IFT140: variants seen among roughly 807,000 people sequenced by gnomAD.
IFT140 encodes the protein intraflagellar transport protein 140 homolog.
A neutral mutation model predicts 164.6 loss-of-function variants in IFT140; 133 were observed. That is an observed-to-expected ratio of 0.81 (90% CI 0.70 to 0.93). The LOEUF is 0.93. Ranked by LOEUF, IFT140 falls within the 40% of genes least tolerant of loss-of-function variation. IFT140 has a pLI of 0.00. For missense variants in IFT140, 2,045 were observed against 1,972.3 expected (o/e 1.04, Z -0.70); for synonymous variants, 860 against 817.3 (o/e 1.05, Z -0.89).
chr16:1,604,983 C>G (rs904337405), intron 3 of IFT140, among the ~76,000 whole-genome samples: 2 of 152,080 alleles, frequency 1.3e-5, no homozygotes, highest in African/African-American at 4.8e-5. Flanking sequence ...AGTCTGAGGT[C>G]TCCTTGAAAC....
chr16:1,589,958 A>G (rs943280973), intron 6 of IFT140, among the ~76,000 whole-genome samples, 178 bp from the exon 7 acceptor site: 1 of 152,204 alleles, frequency 6.6e-6, no homozygotes, highest in Non-Finnish European at 1.5e-5. Flanking sequence ...GCACTTTGGG[A>G]GGCCGAGGCT....
In IFT140 at chr16:1,587,158, G is replaced by A. The variant is rs752296887; in HGVS notation, c.1009+40C>T. 3.9e-6 allele frequency: 5 copies of A among 1,269,882 alleles called. No individual in the cohort carries two copies. The South Asian group carries it at 4.8e-5, about 12-fold the overall frequency. The allele number at this position is 1,269,882 out of a possible 1,614,324, so 78.7% of individuals were successfully genotyped here. ...TTGCAGCCGGCGCACAATGCTTGTG[G>A]TTGGTTCTGTTTCTCTTGTGCCAGG... On this transcript the variant is annotated intron_variant, in intron 9 of 30. Transcript: ENST00000426508.
chr16:1,554,052 G>A, intron 19 of IFT140: 1 of 1,287,204 alleles, frequency 7.8e-7, no homozygotes, highest in Non-Finnish European at 1.0e-6. Context: ...TGGAAAGAGA[G>A]GGGAAAGCAT....
intron 7 of IFT140, among the ~76,000 whole-genome samples, chr16:1,588,678 T>C (rs1397944071): frequency 6.6e-6 from 1 of 152,138 alleles, no homozygotes; most frequent in Non-Finnish European, 1.5e-5. Context: ...CTATCATCCC[T>C]GTTTTGTAGA....
At chr16:1,528,352 C>T (rs3859131) in intron 19 of IFT140, among the ~76,000 whole-genome samples, 3 of 131,102 alleles carry the variant, frequency 2.3e-5, no homozygotes, top group Admixed American at 9.7e-5. Flanking sequence ...CACGCATGCA[C>T]GCACGTGTGC....
At chr16:1,590,462 C>T (rs1373505439) in intron 6 of IFT140, among the ~76,000 whole-genome samples, 2 of 152,152 alleles carry the variant, frequency 1.3e-5, no homozygotes, top group African/African-American at 2.4e-5. Flanking sequence ...GTCCTTTCTG[C>T]CCTGGGTGTC....
chr16:1,566,067 G>C (rs2033695710), intron 16 of IFT140, 94 bp downstream of exon 16: 1 of 1,255,298 alleles, frequency 8.0e-7, no homozygotes, highest in Admixed American at 1.9e-5. Flanking sequence ...GGGGCCTTTT[G>C]AAGGCGCGTT....
intron 17 of IFT140, among the ~76,000 whole-genome samples, chr16:1,563,509 G>A (rs1481517531): frequency 6.6e-6 from 1 of 151,978 alleles, no homozygotes; most frequent in African/African-American, 2.4e-5. Flanking sequence ...ACATGTAGCA[G>A]TTGAGACAAG....
intron 19 of IFT140, among the ~76,000 whole-genome samples, chr16:1,535,376 T>A (rs2030961144): frequency 6.6e-6 from 1 of 152,128 alleles, no homozygotes; most frequent in African/African-American, 2.4e-5. Flanking sequence ...ATCTCAACAG[T>A]CACGGCACAG....
chr16:1,524,856 C>T lies in IFT140; in HGVS notation c.2925G>A (p.Leu975=). ...GGTCCCGGGCCAGCTCGTAGTAGTGCAGCGCGGCGTCCATCTCGCCCTGGC... is the reference window on the plus strand; with the variant it reads ...GGTCCCGGGCCAGCTCGTAGTAGTGTAGCGCGGCGTCCATCTCGCCCTGGC... The part of the protein sequence containing the change: ...LESQGEMDAA[L]HYYELARDHF... Residue 975 remains leucine (L), a synonymous_variant, in exon 23 of 31, where the codon CTG becomes CTA. Coordinates refer to ENST00000426508, the MANE Select transcript of IFT140 (RefSeq NM_014714.4). The T allele has an allele frequency of 1.9e-6, 3 of 1,613,202 alleles. No homozygotes were observed. Among genetic ancestry groups the T allele is most frequent in the Non-Finnish European group, 8.5e-7 (1 of 1,179,670 alleles).
Position 1,526,310 on chromosome 16 carries a change from A to G in IFT140, c.2578-233T>C, listed in dbSNP as rs879694403. 1.7e-5 allele frequency: 3 copies of G among 173,432 alleles called. No homozygotes were observed. In the Admixed American group the frequency reaches 3.4e-4, roughly 20 times the overall value. The allele number at this position is 173,432 out of a possible 1,614,324, so 10.7% of individuals were successfully genotyped here. A position where few individuals can be genotyped will look rare whatever the true frequency, so the allele number is the denominator to read the frequency against. The stretch of plus-strand genomic sequence containing the variant: ...CCCCACCTCCCACAGCCCCCCTCCC[A>G]CAGCCCCCCCTCCCACAGCCTCCCC... On this transcript the variant is annotated intron_variant, in intron 20 of 30. Coordinates refer to ENST00000426508, the MANE Select transcript of IFT140 (RefSeq NM_014714.4).
intron 10 of IFT140, among the ~76,000 whole-genome samples, chr16:1,585,382 G>A (rs2034813663): frequency 6.6e-6 from 1 of 152,192 alleles, no homozygotes; most frequent in Non-Finnish European, 1.5e-5. Context: ...CTTAGAGAGA[G>A]GAGGTAGATT....
chr16:1,523,010 C>T (rs2040567475), intron 26 of IFT140, among the ~76,000 whole-genome samples: 1 of 151,716 alleles, frequency 6.6e-6, no homozygotes, highest in African/African-American at 2.4e-5. Flanking sequence ...TGCTTGAGCC[C>T]AGGAGTTCAA....
chr16:1,597,689 T>C (rs149240548), intron 4 of IFT140, among the ~76,000 whole-genome samples: 78 of 152,354 alleles, frequency 5.1e-4, no homozygotes, highest in Non-Finnish European at 3.2e-4. Context: ...TTAGAAGGAT[T>C]AGGCATTTCT....
intron 19 of IFT140, among the ~76,000 whole-genome samples, chr16:1,527,935 G>A (rs957732983): frequency 1.3e-5 from 2 of 152,230 alleles, no homozygotes; most frequent in East Asian, 3.8e-4. Flanking sequence ...GGCAGGACCA[G>A]AAATGACTGA....
chr16:1,523,596 G>T lies in IFT140; in HGVS notation c.3375C>A (p.Leu1125=), dbSNP rs1478734815. 11 of 1,613,878 alleles carry T rather than the reference G, an allele frequency of 6.8e-6. No individual in the cohort carries two copies. Among genetic ancestry groups the T allele is most frequent in the Non-Finnish European group, 9.3e-6 (11 of 1,180,012 alleles). The stretch of plus-strand genomic sequence containing the variant: ...TGAAGAAGTCGGAGCAGCGGGCCAG[G>T]AGCGCAGGGTCTGACGTCTCATCCA... The part of the protein sequence containing the change: ...EDLDETSDPA[L]LARCSDFFIE... The change falls in exon 26 of 31, where the codon CTC becomes CTA. Residue 1125 remains leucine (L), a synonymous_variant. Transcript: ENST00000426508.
At chr16:1,538,233 C>T (rs2031274754) in intron 19 of IFT140, among the ~76,000 whole-genome samples, 1 of 152,204 alleles carries the variant, frequency 6.6e-6, no homozygotes. Context: ...GACTTGGAGG[C>T]TGCAGAGTGG....
chr16:1,553,889 A>C lies in IFT140; in HGVS notation c.2399+4046T>G. 7.9e-7 allele frequency: 1 copy of C among 1,264,144 alleles called. No individual in the cohort carries two copies. The highest frequency in any genetic ancestry group is 2.4e-5 in the Admixed American group (1 of 40,842). The allele number at this position is 1,264,144 out of a possible 1,614,324, so 78.3% of individuals were successfully genotyped here. Reference sequence around the variant, plus strand: ...GGTAGACTCTAGTCACGAAACCCTGATTTTCCTGTTGTAAGAACTAAAAAG... The same window carrying C: ...GGTAGACTCTAGTCACGAAACCCTGCTTTTCCTGTTGTAAGAACTAAAAAG... On this transcript the variant is annotated intron_variant, in intron 19 of 30. Coordinates refer to ENST00000426508, the MANE Select transcript of IFT140 (RefSeq NM_014714.4). This position sits in a 1 kb window ranked among gnomAD's most constrained non-coding sequence, Gnocchi z 4.4.
At position 1,510,467 on chromosome 16, in the gene IFT140, T is replaced by C; in HGVS notation, c.*477A>G. The C allele has an allele frequency of 4.4e-6, 1 of 228,730 alleles. No individual in the cohort carries two copies. Among genetic ancestry groups the C allele is most frequent in the Non-Finnish European group, 8.7e-6 (1 of 114,676 alleles). The allele number at this position is 228,730 out of a possible 1,614,324, so 14.2% of individuals were successfully genotyped here. A position where few individuals can be genotyped will look rare whatever the true frequency, so the allele number is the denominator to read the frequency against. ...TGCTTTATTGGAATTACAGGAGTGTTGGTGGCCGGTGGGCAGAGCCTAGCA... is the reference window on the plus strand; with the variant it reads ...TGCTTTATTGGAATTACAGGAGTGTCGGTGGCCGGTGGGCAGAGCCTAGCA... On this transcript the variant is annotated 3_prime_UTR_variant, in exon 31 of 31. Coordinates refer to ENST00000426508, the MANE Select transcript of IFT140 (RefSeq NM_014714.4).
Sources: allele counts gnomAD v4.1 joint callset (sites outside exome capture counted in the v4.1 genomes callset), GRCh38; gene constraint gnomAD v4.1.1; non-coding constraint Gnocchi (gnomAD v3.1); transcripts MANE v1.5; gene names NCBI Gene and HGNC (gene_info 2026-07-23, HGNC 2026-07-21).